FER: variants seen among roughly 807,000 people sequenced by gnomAD.
The protein encoded by FER is FER tyrosine kinase.
FER carries 63 observed loss-of-function variants against 111.0 expected under a neutral mutation model. That is an observed-to-expected ratio of 0.57 (90% CI 0.46 to 0.70). FER has a LOEUF of 0.70. Among genes scored for constraint, FER ranks in the 30% least tolerant of loss-of-function variants. FER has a pLI of 0.00. For synonymous variants in FER, 327 were observed against 313.9 expected (o/e 1.04, Z -0.44); for missense variants, 914 against 954.0 (o/e 0.96, Z 0.55).
chr5:108,924,155 G>A (rs1187252781), intron 10 of FER, among the ~76,000 whole-genome samples: 2 of 151,736 alleles, frequency 1.3e-5, no homozygotes, highest in African/African-American at 4.8e-5. Context: ...TCAGGAGTTC[G>A]AGACTAGCCT....
intron 8 of FER, among the ~76,000 whole-genome samples, chr5:108,877,319 A>C (rs567804597): frequency 3.3e-5 from 5 of 152,314 alleles, no homozygotes; most frequent in African/African-American, 1.2e-4. Context: ...GAAAAATGTA[A>C]AATATTGAAG....
chr5:109,053,469 T>C (rs1185445370), intron 16 of FER, among the ~76,000 whole-genome samples: 1 of 152,088 alleles, frequency 6.6e-6, no homozygotes, highest in African/African-American at 2.4e-5. Context: ...CACCTAAATT[T>C]ACTCATGCCT....
At chr5:109,017,716 T>G (rs548453644) in intron 13 of FER, among the ~76,000 whole-genome samples, 1 of 152,114 alleles carries the variant, frequency 6.6e-6, no homozygotes, top group Non-Finnish European at 1.5e-5. Context: ...TTATTTAATT[T>G]GTTTATTTGC....
In FER at chr5:108,946,143, G is replaced by C. The variant is rs753315526; in HGVS notation, c.1250G>C (p.Arg417Thr). Reference protein sequence around the residue: ...RSVTSMERKERLSKFESIRHS... With the variant: ...RSVTSMERKETLSKFESIRHS... ...TAATCCCTCCAGGAAAGAAAGGAGA[G>C]GCTATCCAAATTTGAATCTATTCGT... Residue 417 changes from arginine to threonine, a missense_variant, in exon 11 of 20, where the codon AGG (arginine) becomes ACG (threonine). Arg to Thr is a moderately conservative substitution (Grantham distance 71). Around this residue, in one of 3 missense-constraint regions of FER, gnomAD observed 774 missense variants for 782.6 expected, o/e 0.99. Coordinates refer to ENST00000281092, the MANE Select transcript of FER (RefSeq NM_005246.4). 3 of 1,611,716 alleles carry C rather than the reference G, an allele frequency of 1.9e-6. No individual in the cohort carries two copies. Among genetic ancestry groups the C allele is most frequent in the Non-Finnish European group, 2.5e-6 (3 of 1,178,552 alleles).
chr5:109,001,386 A>G (rs1442556915), intron 13 of FER, among the ~76,000 whole-genome samples: 3 of 152,216 alleles, frequency 2.0e-5, no homozygotes, highest in Admixed American at 1.3e-4. Context: ...CAAAAACCAC[A>G]TGATTATCTC....
intron 3 of FER, among the ~76,000 whole-genome samples, chr5:108,801,546 T>C (rs1580617311): frequency 6.6e-6 from 1 of 152,336 alleles, no homozygotes; most frequent in African/African-American, 2.4e-5. Context: ...TTTCATGCCT[T>C]CCACCCACAC....
At chr5:108,817,901 A>G (rs1028573430) in intron 3 of FER, 24 of 152,186 alleles carry the variant, frequency 1.6e-4, no homozygotes, top group Non-Finnish European at 3.1e-4. Context: ...ATTTACCTCT[A>G]TAGTCTTCCT....
intron 1 of FER, among the ~76,000 whole-genome samples, chr5:108,765,367 CTG>C (rs1330541919): frequency 3.9e-5 from 6 of 152,084 alleles, no homozygotes; most frequent in Admixed American, 2.0e-4. Context: ...ATAGAAAAGA[CTG>C]AGTTAGAGAT....
intron 9 of FER, among the ~76,000 whole-genome samples, chr5:108,885,950 G>T (rs1254515055): frequency 2.0e-5 from 3 of 151,776 alleles, no homozygotes; most frequent in African/African-American, 7.3e-5. Context: ...TTAAACAAAA[G>T]AATTATCTTT....
In FER at chr5:109,188,629, T is replaced by C. The variant is rs981843544; in HGVS notation, c.*1054T>C. On this transcript the variant is annotated 3_prime_UTR_variant, in exon 20 of 20. Transcript: ENST00000281092. ...ATCTAAACAAACAAACATTCACATA[T>C]TCTATTCTAAAAACACATAATAATA... The C allele has an allele frequency of 6.6e-5, 10 of 152,124 alleles. No individual in the cohort carries two copies. Among genetic ancestry groups the C allele is most frequent in the African/African-American group, 2.2e-4 (9 of 41,412 alleles). 9.4% of individuals were successfully genotyped at this position (152,124 alleles called of 1,614,324 possible).
At position 109,196,487 on chromosome 5, in the gene FER, CACAA is replaced by C. The variant is rs1220812063; in HGVS notation, c.*8917_*8920del. 3.3e-5 allele frequency: 5 copies of C among 152,286 alleles called. 1 individual carries two copies. The highest frequency in any genetic ancestry group is 9.6e-5 in the African/African-American group (4 of 41,574). The allele number at this position is 152,286 out of a possible 1,614,324, so 9.4% of individuals were successfully genotyped here. ...TTCTTCTGGAAAGTTCAGTGTAAAA[CACAA>C]ACAAGGCTTTGGCGGGTTTATCTGG... On this transcript the variant is annotated 3_prime_UTR_variant, in exon 20 of 20. Transcript: ENST00000281092.
intron 19 of FER, 73 bp downstream of exon 19, chr5:109,186,395 T>C: frequency 6.2e-7 from 1 of 1,607,832 alleles, no homozygotes; most frequent in Non-Finnish European, 8.5e-7. Context: ...GTGTGTCTGC[T>C]TGAGGAGGGG....
In FER at chr5:108,813,517, G is replaced by A. The variant is rs997915519; in HGVS notation, c.207+15128G>A. ...TATCTTCTTTCAGGACCCTGATTAC[G>A]TATGGATTTGGCTGTTTAAAGTTGT... On this transcript the variant is annotated intron_variant, in intron 3 of 19. Coordinates refer to ENST00000281092, the MANE Select transcript of FER (RefSeq NM_005246.4). Among the ~76,000 whole-genome samples the A allele has an allele frequency of 4.1e-4, 62 of 152,054 alleles. 2 individuals are homozygous for A. The highest frequency in any genetic ancestry group is 1.3e-3 in the African/African-American group (53 of 41,468).
At chr5:109,075,446 T>TC (rs1776214940) in intron 16 of FER, among the ~76,000 whole-genome samples, 1 of 145,668 alleles carries the variant, frequency 6.9e-6, no homozygotes, top group Admixed American at 6.9e-5. Flanking sequence ...TTTTTTTTTT[T>TC]TGAGGCAGAG....
intron 5 of FER, among the ~76,000 whole-genome samples, chr5:108,852,360 G>A (rs2150189924): frequency 6.6e-6 from 1 of 152,066 alleles, no homozygotes; most frequent in South Asian, 2.1e-4. Context: ...TGAGACAGAT[G>A]GTTAAATTTA....
intron 17 of FER, among the ~76,000 whole-genome samples, chr5:109,161,887 A>G (rs1756028564): frequency 6.6e-6 from 1 of 152,134 alleles, no homozygotes; most frequent in African/African-American, 2.4e-5. Flanking sequence ...TCCAACCAAC[A>G]GTGTATAAAC....
chr5:108,891,839 G>T (rs545699490), intron 9 of FER, among the ~76,000 whole-genome samples: 2 of 151,606 alleles, frequency 1.3e-5, no homozygotes, highest in Non-Finnish European at 2.9e-5. Flanking sequence ...AACAGGCCCC[G>T]GTGTGTGATG....
chr5:108,917,487 GA>G (rs1248330073), intron 10 of FER, among the ~76,000 whole-genome samples: 2 of 152,148 alleles, frequency 1.3e-5, no homozygotes, highest in Admixed American at 1.3e-4. Flanking sequence ...AGTTTAAGTA[GA>G]AATAATTTAA....
Position 109,191,817 on chromosome 5 carries a change from C to G in FER, c.*4242C>G, listed in dbSNP as rs1345492681. On this transcript the variant is annotated 3_prime_UTR_variant, in exon 20 of 20. Coordinates refer to ENST00000281092, the MANE Select transcript of FER (RefSeq NM_005246.4). ...TCTGAATACTATATTTTGGAAGAAT[C>G]CAAAACCACATATGAAGATACTGAT... 1 of 151,982 alleles carries G rather than the reference C, an allele frequency of 6.6e-6. No homozygotes were observed. Among genetic ancestry groups the G allele is most frequent in the Admixed American group, 6.6e-5 (1 of 15,214 alleles). 9.4% of individuals were successfully genotyped at this position (151,982 alleles called of 1,614,324 possible). A position where few individuals can be genotyped will look rare whatever the true frequency, so the allele number is the denominator to read the frequency against.
Sources: allele counts gnomAD v4.1 joint callset (sites outside exome capture counted in the v4.1 genomes callset), GRCh38; gene constraint gnomAD v4.1.1; regional missense constraint gnomAD v4.1.1; transcripts MANE v1.5; gene names NCBI Gene and HGNC (gene_info 2026-07-23, HGNC 2026-07-21).